Variants in DAB1 observed in about 807,000 individuals in gnomAD.
The protein encoded by DAB1 is DAB adaptor protein 1.
DAB1 carries 15 observed loss-of-function variants against 64.6 expected under a neutral mutation model. That is an observed-to-expected ratio of 0.23 (90% CI 0.16 to 0.36). The LOEUF is 0.36. DAB1 is among the 10% of genes least tolerant of loss of function. DAB1 has a pLI of 1.00. For synonymous variants in DAB1, 235 were observed against 251.9 expected (o/e 0.93, Z 0.64); for missense variants, 596 against 706.7 (o/e 0.84, Z 1.78).
At chr1:58,451,981 G>A (rs939632458) in intron 3 of DAB1, among the ~76,000 whole-genome samples, 3 of 147,342 alleles carry the variant, frequency 2.0e-5, no homozygotes, top group East Asian at 4.0e-4. Context: ...GCAATGGCAC[G>A]ATCTCCGCTC....
At chr1:57,274,863 T>C (rs1671331237) in intron 2 of DAB1, among the ~76,000 whole-genome samples, 1 of 149,482 alleles carries the variant, frequency 6.7e-6, no homozygotes. Context: ...ATTACATGTG[T>C]GAGCCACCGC....
At chr1:57,238,194 G>C (rs2100461635) in intron 2 of DAB1, among the ~76,000 whole-genome samples, 1 of 152,308 alleles carries the variant, frequency 6.6e-6, no homozygotes. Flanking sequence ...TCCCCTGGAA[G>C]GTGTTAGGAA....
chr1:57,151,808 T>G, intron 2 of DAB1, among the ~76,000 whole-genome samples: 1 of 82,024 alleles, frequency 1.2e-5, no homozygotes, highest in South Asian at 4.4e-4. Flanking sequence ...TAATGTTTAA[T>G]TTTTTTTTTT....
chr1:57,328,506 G>A (rs1034093448), intron 1 of DAB1, among the ~76,000 whole-genome samples: 9 of 152,154 alleles, frequency 5.9e-5, no homozygotes, highest in African/African-American at 2.2e-4. Context: ...CATACGCACT[G>A]TATTTTGCAG....
At chr1:58,063,466 C>A (rs985214482) in intron 5 of DAB1, among the ~76,000 whole-genome samples, 16 of 152,138 alleles carry the variant, frequency 1.1e-4, no homozygotes, top group African/African-American at 3.9e-4. Context: ...CAGTGTATAG[C>A]CCGGGCCCCC....
In DAB1 at chr1:57,840,403, A is replaced by T. The variant is rs79238716; in HGVS notation, n.88-13948T>A. Among the ~76,000 whole-genome samples, 770 of 152,298 alleles carry T rather than the reference A, an allele frequency of 5.1e-3. 4 individuals are homozygous for T. Among genetic ancestry groups the T allele is most frequent in the African/African-American group, 0.017 (687 of 41,564 alleles). ...GAGATCAGCATATCCAAAGGCATAG[A>T]AGTGTGAAAAAAGAGGGTACTGATG... is the stretch of plus-strand genomic sequence containing the variant. On this transcript the variant is annotated intron_variant and non_coding_transcript_variant, in intron 1 of 1. Coordinates refer to the DAB1 transcript ENST00000477280.
intron 2 of DAB1, among the ~76,000 whole-genome samples, chr1:57,207,299 T>G (rs920324422): frequency 1.3e-5 from 2 of 151,600 alleles, no homozygotes; most frequent in Non-Finnish European, 2.9e-5. Context: ...ACAAATAGCA[T>G]TTGCTCCAGA....
At chr1:57,219,527 C>A (rs1003427641) in intron 2 of DAB1, among the ~76,000 whole-genome samples, 1 of 152,174 alleles carries the variant, frequency 6.6e-6, no homozygotes. Context: ...GCTAGGGGAA[C>A]CTGACACTCA....
intron 6 of DAB1, among the ~76,000 whole-genome samples, chr1:57,769,394 C>T (rs1046404455): frequency 3.3e-5 from 5 of 152,164 alleles, no homozygotes; most frequent in African/African-American, 9.7e-5. Context: ...GAGCTAGTCT[C>T]GGACCATGCA....
intron 6 of DAB1, among the ~76,000 whole-genome samples, chr1:57,777,142 T>C (rs1354311134): frequency 1.9e-5 from 1 of 51,612 alleles, no homozygotes; most frequent in Non-Finnish European, 5.2e-5. Context: ...TCTGAATTTC[T>C]TTTTTTTTTT....
chr1:57,295,783 T>C (rs1020403167), intron 1 of DAB1, among the ~76,000 whole-genome samples: 4 of 152,130 alleles, frequency 2.6e-5, no homozygotes, highest in African/African-American at 7.2e-5. Context: ...AGAATACAGC[T>C]TTTTGCATAA....
At chr1:58,323,878 T>C (rs894446663) in intron 4 of DAB1, among the ~76,000 whole-genome samples, 2 of 149,832 alleles carry the variant, frequency 1.3e-5, no homozygotes, top group Non-Finnish European at 3.0e-5. Context: ...TGAGCCCAGA[T>C]TGTGCCACTG....
chr1:57,922,837 C>A, intron 5 of DAB1, among the ~76,000 whole-genome samples: 1 of 79,984 alleles, frequency 1.3e-5, no homozygotes. Flanking sequence ...CAAAGCGAGA[C>A]TCCATCTCAA....
chr1:57,832,171 C>T (rs1486819399), intron 1 of DAB1, among the ~76,000 whole-genome samples: 1 of 152,124 alleles, frequency 6.6e-6, no homozygotes, highest in Admixed American at 6.5e-5. Flanking sequence ...GCCAGTGTCA[C>T]AGAAAGCATC....
At chr1:58,108,103 G>C (rs1356446716) in intron 5 of DAB1, among the ~76,000 whole-genome samples, 1 of 152,212 alleles carries the variant, frequency 6.6e-6, no homozygotes, top group Non-Finnish European at 1.5e-5. Context: ...GTGAGAAATT[G>C]AGACTTCATT....
chr1:58,281,483 A>G (rs1273102288), intron 4 of DAB1, among the ~76,000 whole-genome samples: 1 of 151,832 alleles, frequency 6.6e-6, no homozygotes, highest in Non-Finnish European at 1.5e-5. Context: ...TTCACCTCTC[A>G]TCTGAATACA....
At chr1:58,253,928 C>T (rs564702538) in intron 4 of DAB1, among the ~76,000 whole-genome samples, 13 of 152,278 alleles carry the variant, frequency 8.5e-5, no homozygotes, top group African/African-American at 2.4e-4. Context: ...TTCGCAGATA[C>T]CCTGAGAATC....
chr1:58,127,376 T>C (rs1653183153), intron 5 of DAB1, among the ~76,000 whole-genome samples: 1 of 151,960 alleles, frequency 6.6e-6, no homozygotes, highest in East Asian at 1.9e-4. Flanking sequence ...GTCAGATGAG[T>C]AGGTTGCGAA....
rs150137655 is a variant in DAB1 at position 58,256,060 on chromosome 1, G to A, written n.309+87292C>T. Among the ~76,000 whole-genome samples, 116 of 152,260 alleles carry A rather than the reference G, an allele frequency of 7.6e-4. 1 individual carries two copies. Among genetic ancestry groups the A allele is most frequent in the African/African-American group, 2.5e-3 (104 of 41,542 alleles). ...TGTGGCCATGGAGTTCAGCTGTGGC[G>A]TCTATGAAATGAGGGTATCGCTTCA... On this transcript the variant is annotated intron_variant and non_coding_transcript_variant, in intron 4 of 20. Transcript: ENST00000485760.
Sources: allele counts gnomAD v4.1 joint callset (sites outside exome capture counted in the v4.1 genomes callset), GRCh38; gene constraint gnomAD v4.1.1; transcripts MANE v1.5; gene names NCBI Gene and HGNC (gene_info 2026-07-23, HGNC 2026-07-21).